ABCC4: variants seen among roughly 807,000 people sequenced by gnomAD.
The protein encoded by ABCC4 is ATP binding cassette subfamily C member 4 (PEL blood group), also known as ATP-binding cassette sub-family C member 4.
In ABCC4, 102 loss-of-function variants were observed where a neutral mutation model predicts 168.5. The observed-to-expected ratio is 0.61, with a 90% CI of 0.52 to 0.71. The LOEUF is 0.71. ABCC4 is among the 30% of genes least tolerant of loss of function. The pLI is 0.00. For missense variants in ABCC4, 1,402 were observed against 1,605.8 expected, an observed-to-expected ratio of 0.87 and a Z score of 2.17; for synonymous variants, 617 against 590.7, an observed-to-expected ratio of 1.04 and a Z score of -0.65.
At chr13:95,261,190 G>A (rs79474727) in intron 1 of ABCC4, among the ~76,000 whole-genome samples, 11,248 of 152,058 alleles carry the variant, frequency 0.074, 922 homozygotes, top group African/African-American at 0.2. Context: ...GCTCACGCCT[G>A]TAATCCCAGC....
In ABCC4 at chr13:95,212,801, A is replaced by T. The variant is rs140584605; in HGVS notation, c.532-2020T>A. On this transcript the variant is annotated intron_variant, in intron 4 of 30. Coordinates refer to ENST00000645237, the MANE Select transcript of ABCC4 (RefSeq NM_005845.5). ...AAATCAGTCATACTCCAGATAGGATAAAAAAAATCATGAAGGGCCATGAAT... is the reference window on the plus strand; with the variant it reads ...AAATCAGTCATACTCCAGATAGGATTAAAAAAATCATGAAGGGCCATGAAT... 1.6e-3 allele frequency among the ~76,000 whole-genome samples: 245 copies of T among 152,184 alleles called. 1 individual carries two copies. Among genetic ancestry groups the T allele is most frequent in the African/African-American group, 5.7e-3 (236 of 41,516 alleles).
chr13:95,029,135 G>A (rs1435781823), intron 30 of ABCC4, among the ~76,000 whole-genome samples: 1 of 147,004 alleles, frequency 6.8e-6, no homozygotes, highest in East Asian at 2.0e-4. Flanking sequence ...TCCAGCCTGG[G>A]CAACAGGAGT....
intron 1 of ABCC4, among the ~76,000 whole-genome samples, chr13:95,252,810 G>T (rs568069779): frequency 6.6e-6 from 1 of 152,304 alleles, no homozygotes; most frequent in Admixed American, 6.5e-5. Context: ...TCCTCGGACT[G>T]GGGGGACTAC....
intron 26 of ABCC4, among the ~76,000 whole-genome samples, chr13:95,061,791 T>C (rs1014129515): frequency 1.3e-5 from 2 of 152,006 alleles, no homozygotes; most frequent in Non-Finnish European, 2.9e-5. Context: ...ATGGAAGCCA[T>C]GAGGCCCCAC....
intron 19 of ABCC4, among the ~76,000 whole-genome samples, chr13:95,157,443 G>C (rs2036907467): frequency 6.6e-6 from 1 of 151,958 alleles, no homozygotes; most frequent in African/African-American, 2.4e-5. Flanking sequence ...TTTGCAGTGA[G>C]CTGAGATCAT....
At chr13:95,186,304 G>T (rs2038056479) in intron 11 of ABCC4, among the ~76,000 whole-genome samples, 1 of 152,098 alleles carries the variant, frequency 6.6e-6, no homozygotes, top group Non-Finnish European at 1.5e-5. Context: ...GTTGGGGGTG[G>T]AGCTAGCAGA....
chr13:95,186,641 C>T, intron 11 of ABCC4, 60 bp downstream of exon 11: 1 of 1,474,092 alleles, frequency 6.8e-7, no homozygotes, highest in African/African-American at 1.4e-5. Flanking sequence ...CCTTGTTGTT[C>T]AAGTGAACAC....
chr13:95,222,981 C>T (rs2039348081), intron 4 of ABCC4, among the ~76,000 whole-genome samples: 1 of 152,110 alleles, frequency 6.6e-6, no homozygotes. Flanking sequence ...AAGTGCTACC[C>T]AGGTTGAGCA....
intron 1 of ABCC4, among the ~76,000 whole-genome samples, chr13:95,255,439 G>C (rs956867469): frequency 1.3e-5 from 2 of 152,176 alleles, no homozygotes; most frequent in Admixed American, 1.3e-4. Flanking sequence ...ACGATCACCA[G>C]ACACTAAAGT....
At chr13:95,099,800 A>G (rs940874833) in intron 20 of ABCC4, among the ~76,000 whole-genome samples, 2 of 152,206 alleles carry the variant, frequency 1.3e-5, no homozygotes, top group African/African-American at 4.8e-5. Flanking sequence ...GAGAACACTA[A>G]GTCAATGAAC....
Position 95,126,816 on chromosome 13 carries a change from C to CATAT in ABCC4, c.2456-10819_2456-10816dup, listed in dbSNP as rs368130641. On this transcript the variant is annotated intron_variant, in intron 19 of 30. Transcript: ENST00000645237. ...TATATTTATATATATTTAAGTACAC[C>CATAT]ATATATATTTATATATATTTAAGTA... is the stretch of plus-strand genomic sequence containing the variant. Among the ~76,000 whole-genome samples, 278 of 35,210 alleles carry CATAT rather than the reference C, an allele frequency of 7.9e-3. 13 individuals are homozygous for CATAT. The highest frequency in any genetic ancestry group is 0.012 in the Non-Finnish European group (181 of 14,696). The allele number at this position is 35,210 out of a possible 152,430, so 23.1% of individuals were successfully genotyped here.
In ABCC4 at chr13:95,206,336, G is replaced by GA. The variant is rs771350508; in HGVS notation, c.1161+195dup. Reference sequence around the variant, plus strand: ...GCTGTTTATGTTGCTGCCAACAAATGAATCACAATGCTTGCATTGTCTTTA... The same window carrying GA: ...GCTGTTTATGTTGCTGCCAACAAATGAAATCACAATGCTTGCATTGTCTTTA... On this transcript the variant is annotated intron_variant, in intron 8 of 30. Coordinates refer to ENST00000645237, the MANE Select transcript of ABCC4 (RefSeq NM_005845.5). Among the ~76,000 whole-genome samples, 53 of 152,260 alleles carry GA rather than the reference G, an allele frequency of 3.5e-4. 1 individual carries two copies. The highest frequency in any genetic ancestry group is 1.8e-3 in the Admixed American group (27 of 15,286).
intron 19 of ABCC4, among the ~76,000 whole-genome samples, chr13:95,120,586 AAAG>A (rs1192818603): frequency 6.6e-6 from 1 of 151,586 alleles, no homozygotes; most frequent in African/African-American, 2.4e-5. Flanking sequence ...AAAAAAAAAA[AAAG>A]AATTGGCCTT....
intron 20 of ABCC4, among the ~76,000 whole-genome samples, chr13:95,083,522 T>C (rs1566402613): frequency 2.7e-5 from 4 of 149,268 alleles, no homozygotes; most frequent in African/African-American, 5.1e-5. Context: ...GGTTTTTTTT[T>C]CCTTTTTCTT....
At chr13:95,161,563 GTA>G (rs1395425019) in intron 18 of ABCC4, among the ~76,000 whole-genome samples, 1 of 152,172 alleles carries the variant, frequency 6.6e-6, no homozygotes, top group African/African-American at 2.4e-5. Context: ...AAAATCAGGT[GTA>G]TAATACAATT....
intron 2 of ABCC4, 107 bp from the exon 3 acceptor site, chr13:95,247,202 C>T (rs904848061): frequency 1.2e-5 from 15 of 1,274,304 alleles, no homozygotes; most frequent in African/African-American, 1.5e-5. Context: ...CATTTTGTGA[C>T]GATTTCATAA....
chr13:95,293,002 G>A (rs780398545), intron 1 of ABCC4, among the ~76,000 whole-genome samples: 18 of 152,080 alleles, frequency 1.2e-4, no homozygotes, highest in Non-Finnish European at 1.5e-5. Flanking sequence ...TGGCAGGGAC[G>A]ACATAGCGAC....
At chr13:95,040,337 G>A (rs548693777) in intron 29 of ABCC4, among the ~76,000 whole-genome samples, 3 of 152,076 alleles carry the variant, frequency 2.0e-5, no homozygotes, top group African/African-American at 7.2e-5. Context: ...GTTCAAAAGC[G>A]TCTCCTGCCT....
At chr13:95,197,661 G>A (rs2038497144) in intron 8 of ABCC4, among the ~76,000 whole-genome samples, 1 of 152,182 alleles carries the variant, frequency 6.6e-6, no homozygotes, top group Non-Finnish European at 1.5e-5. Context: ...TCAGACGGCA[G>A]AACTGAAGTC....
Sources: allele counts gnomAD v4.1 joint callset (sites outside exome capture counted in the v4.1 genomes callset), GRCh38; gene constraint gnomAD v4.1.1; transcripts MANE v1.5; gene names NCBI Gene and HGNC (gene_info 2026-07-23, HGNC 2026-07-21).